The following DIAPH2 variants were observed in gnomAD, a reference collection of about 807,000 sequenced individuals.
DIAPH2 encodes protein diaphanous homolog 2.
DIAPH2 carries 35 observed loss-of-function variants against 92.7 expected under a neutral mutation model. The ratio of observed to expected loss-of-function variants is 0.38; its 90% CI spans 0.29 to 0.50. DIAPH2 has a LOEUF of 0.50. Ranked by LOEUF, DIAPH2 falls within the 20% of genes least tolerant of loss-of-function variation. The pLI, the probability that DIAPH2 is intolerant of heterozygous loss-of-function variation, is 0.94. For synonymous variants in DIAPH2, 301 were observed against 280.4 expected, an observed-to-expected ratio of 1.07 and a Z score of -0.73; for missense variants, 701 against 819.5, an observed-to-expected ratio of 0.86 and a Z score of 1.77.
rs1301271347 is a variant in DIAPH2 at position 96,939,376 on chromosome X, A to G, written c.1319A>G (p.Tyr440Cys). 5.3e-6 allele frequency: 5 copies of G among 940,020 alleles called. No individual in the cohort carries two copies. The highest frequency in any genetic ancestry group is 3.3e-4 in the Middle Eastern group (1 of 3,021). 77.5% of individuals were successfully genotyped at this position (940,020 alleles called of 1,213,427 possible). A position where few individuals can be genotyped will look rare whatever the true frequency, so the allele number is the denominator to read the frequency against. Residue 440 changes from tyrosine (Y) to cysteine (C), a missense_variant, in exon 12 of 27, where the codon TAT becomes TGT. Around this residue, in one of 3 missense-constraint regions of DIAPH2, gnomAD observed 536 missense variants for 599.3 expected, o/e 0.89. Coordinates refer to ENST00000324765, the MANE Select transcript of DIAPH2 (RefSeq NM_006729.5). ...QHFLLIRNDYYIRPQYYKIIE... is the reference protein window; with the variant it reads ...QHFLLIRNDYCIRPQYYKIIE... ...TTTTTGCTTATCAGAAATGATTATT[A>G]TATCAGGTAAGAGGCAGTTCTGAGA...
chrX:96,858,019 T>G (rs1451713856), intron 4 of DIAPH2, among the ~76,000 whole-genome samples: 5 of 112,567 alleles, frequency 4.4e-5, no homozygotes, highest in African/African-American at 1.6e-4. Flanking sequence ...AATAATTTAT[T>G]CTTAAATCAA....
chrX:97,104,208 C>T (rs2066923914), intron 20 of DIAPH2, among the ~76,000 whole-genome samples: 1 of 111,964 alleles, frequency 8.9e-6, no homozygotes, highest in African/African-American at 3.2e-5. Flanking sequence ...TTCACGTGTG[C>T]TTAACAAATA....
intron 17 of DIAPH2, among the ~76,000 whole-genome samples, chrX:96,968,290 C>T (rs1173203567): frequency 9.0e-6 from 1 of 111,222 alleles, no homozygotes; most frequent in Non-Finnish European, 1.9e-5. Context: ...GCAATCTCAG[C>T]TCACTGCAAT....
At chrX:97,467,634 C>T (rs1157186807) in intron 26 of DIAPH2, among the ~76,000 whole-genome samples, 1 of 111,935 alleles carries the variant, frequency 8.9e-6, no homozygotes, top group Non-Finnish European at 1.9e-5. Flanking sequence ...AGATGAACAG[C>T]AGTTTTTTAA....
At chrX:97,110,558 A>C (rs774153897) in intron 20 of DIAPH2, among the ~76,000 whole-genome samples, 2 of 111,861 alleles carry the variant, frequency 1.8e-5, no homozygotes, top group Non-Finnish European at 3.8e-5. Context: ...GACGACTCTC[A>C]GAAATTCTGC....
chrX:97,275,522 G>C (rs762487694), intron 23 of DIAPH2, among the ~76,000 whole-genome samples: 4 of 106,520 alleles, frequency 3.8e-5, no homozygotes, highest in African/African-American at 1.4e-4. Context: ...CTTCTCAGAC[G>C]GGGCGGCTGC....
intron 26 of DIAPH2, among the ~76,000 whole-genome samples, chrX:97,488,305 TG>T (rs1240207315): frequency 1.8e-5 from 2 of 112,664 alleles, no homozygotes; most frequent in Non-Finnish European, 3.7e-5. Flanking sequence ...TTTGTTTTTT[TG>T]ATCTTGAGTT....
intron 26 of DIAPH2, among the ~76,000 whole-genome samples, chrX:97,584,170 G>C (rs933447157): frequency 1.8e-5 from 2 of 112,266 alleles, no homozygotes; most frequent in African/African-American, 6.5e-5. Flanking sequence ...GACCGGAGCT[G>C]TTCATATTCG....
intron 23 of DIAPH2, among the ~76,000 whole-genome samples, chrX:97,311,951 C>T (rs1050969710): frequency 9.1e-6 from 1 of 110,443 alleles, no homozygotes; most frequent in African/African-American, 3.3e-5. Context: ...CCTCAGCCTC[C>T]CCAGTAGCTG....
At chrX:97,577,325 A>C (rs1170914779) in intron 26 of DIAPH2, among the ~76,000 whole-genome samples, 1 of 112,694 alleles carries the variant, frequency 8.9e-6, no homozygotes, top group Non-Finnish European at 1.9e-5. Flanking sequence ...AAGAATCAGC[A>C]TGTATTTACT....
intron 26 of DIAPH2, among the ~76,000 whole-genome samples, chrX:97,434,409 C>CTTTT (rs1168006514): frequency 1.1e-5 from 1 of 93,846 alleles, no homozygotes. Flanking sequence ...GGTTACTAAA[C>CTTTT]TTTTTTTTTT....
At chrX:97,497,956 G>T (rs947123569) in intron 26 of DIAPH2, among the ~76,000 whole-genome samples, 1 of 110,825 alleles carries the variant, frequency 9.0e-6, no homozygotes, top group Non-Finnish European at 1.9e-5. Context: ...GTAATATAGG[G>T]TTAAGAAAAT....
intron 22 of DIAPH2, among the ~76,000 whole-genome samples, chrX:97,205,426 C>G (rs1330793782): frequency 1.8e-5 from 2 of 111,369 alleles, no homozygotes; most frequent in Non-Finnish European, 3.8e-5. Context: ...TTCTACCCAT[C>G]TGACAAAGGT....
At chrX:97,343,912 T>C (rs1308265197) in intron 23 of DIAPH2, among the ~76,000 whole-genome samples, 1 of 111,414 alleles carries the variant, frequency 9.0e-6, no homozygotes, top group Admixed American at 9.6e-5. Flanking sequence ...GAACTAGATA[T>C]CATGCCATGG....
chrX:97,356,231 A>G (rs982091612), intron 24 of DIAPH2, among the ~76,000 whole-genome samples: 3 of 111,478 alleles, frequency 2.7e-5, no homozygotes, highest in African/African-American at 9.8e-5. Context: ...GAATCCTAAA[A>G]TCTTAAGCCC....
intron 17 of DIAPH2, among the ~76,000 whole-genome samples, chrX:97,057,836 A>C (rs1415490456): frequency 3.6e-5 from 4 of 111,515 alleles, no homozygotes; most frequent in Non-Finnish European, 1.9e-5. Context: ...TTTGTTGGAA[A>C]TGTTGACAGA....
chrX:97,576,697 G>C (rs916199397), intron 26 of DIAPH2, among the ~76,000 whole-genome samples: 2 of 110,713 alleles, frequency 1.8e-5, no homozygotes, highest in Non-Finnish European at 3.8e-5. Flanking sequence ...CTTGTTACTA[G>C]AGAAAAGAAT....
rs144204539 is a variant in DIAPH2, at chrX:97,204,551, T to C, written c.2720-43164T>C. On this transcript the variant is annotated intron_variant, in intron 22 of 26. Transcript: ENST00000324765. ...AATAGACACACAGAGAGCCAAATCATGAATGAACTCATATTCACAATTGCT... is the reference window on the plus strand; with the variant it reads ...AATAGACACACAGAGAGCCAAATCACGAATGAACTCATATTCACAATTGCT... Among the ~76,000 whole-genome samples the C allele has an allele frequency of 8.6e-3, 955 of 111,603 alleles. 12 individuals carry two copies. The highest frequency in any genetic ancestry group is 0.029 in the African/African-American group (904 of 30,719).
At chrX:96,877,398 C>T (rs2065187441) in intron 4 of DIAPH2, among the ~76,000 whole-genome samples, 2 of 111,809 alleles carry the variant, frequency 1.8e-5, no homozygotes, top group Non-Finnish European at 3.8e-5. Flanking sequence ...GTTTGTAAAT[C>T]ATGGTCAATA....
Sources: allele counts gnomAD v4.1 joint callset (sites outside exome capture counted in the v4.1 genomes callset), GRCh38; gene constraint gnomAD v4.1.1; regional missense constraint gnomAD v4.1.1; transcripts MANE v1.5; gene names NCBI Gene and HGNC (gene_info 2026-07-23, HGNC 2026-07-21).